The following SHISAL1 variants were observed in gnomAD, a reference collection of about 807,000 sequenced individuals.
The protein encoded by SHISAL1 is shisa like 1.
In SHISAL1, 9 loss-of-function variants were observed where a neutral mutation model predicts 22.6. That is an observed-to-expected ratio of 0.40 (90% CI 0.24 to 0.70). The LOEUF is 0.70. SHISAL1 is among the 30% of genes least tolerant of loss of function. SHISAL1 has a pLI of 0.39. For synonymous variants in SHISAL1, 119 were observed against 115.4 expected (o/e 1.03, Z -0.20); for missense variants, 246 against 270.6 (o/e 0.91, Z 0.64).
intron 4 of SHISAL1, among the ~76,000 whole-genome samples, chr22:44,251,892 C>A (rs1455291616): frequency 2.6e-5 from 4 of 152,072 alleles, no homozygotes. Context: ...ACTTATTGCC[C>A]CTGAACCGTA....
the SHISAL1 span, among the ~76,000 whole-genome samples, chr22:44,323,066 TCACCCAC>T: frequency 4.7e-5 from 3 of 64,032 alleles, no homozygotes; most frequent in African/African-American, 6.5e-5. Context: ...TCCACCCACC[TCACCCAC>T]CCATCCACCC....
intron 4 of SHISAL1, among the ~76,000 whole-genome samples, chr22:44,273,043 C>G (rs1462256628): frequency 1.3e-5 from 2 of 151,870 alleles, no homozygotes; most frequent in Non-Finnish European, 2.9e-5. Context: ...TTGCTGTGAG[C>G]TGAGATCGCA....
intron 1 of SHISAL1, among the ~76,000 whole-genome samples, chr22:44,303,933 T>C (rs997306083): frequency 4.7e-5 from 7 of 150,388 alleles, no homozygotes; most frequent in African/African-American, 1.7e-4. Context: ...CCACGCCAGG[T>C]GAGGCCCTCC....
In SHISAL1 at chr22:44,310,644, G is replaced by A. The variant is rs2055511917; in HGVS notation, c.-33+2107C>T. On this transcript the variant is annotated intron_variant, in intron 1 of 4. Transcript: ENST00000381176. The surrounding 1 kb of genome is among the most constrained non-coding windows in gnomAD (Gnocchi z 4.0). ...GATCCATAAACCGTTCTTATCCGAT[G>A]TTGCCTACTCTACTGTTCCCAAAGC... 6.6e-6 allele frequency among the ~76,000 whole-genome samples: 1 copy of A among 152,206 alleles called. No homozygotes were observed. The highest frequency in any genetic ancestry group is 2.4e-5 in the African/African-American group (1 of 41,460).
intron 4 of SHISAL1, among the ~76,000 whole-genome samples, chr22:44,252,173 G>T (rs376650471): frequency 6.6e-6 from 1 of 152,132 alleles, no homozygotes. Flanking sequence ...AAGCAGGGAG[G>T]TGATATAAGT....
chr22:44,328,421 C>T, the SHISAL1 span, among the ~76,000 whole-genome samples: 3 of 152,140 alleles, frequency 2.0e-5, no homozygotes, highest in East Asian at 3.9e-4. Context: ...GTACCTGGCT[C>T]GGGGCAGGCC....
intron 2 of SHISAL1, among the ~76,000 whole-genome samples, chr22:44,299,407 T>C (rs1041608540): frequency 6.6e-6 from 1 of 152,218 alleles, no homozygotes; most frequent in African/African-American, 2.4e-5. Context: ...CTTCTGAGTG[T>C]CTCACCTTCC....
chr22:44,298,764 G>T (rs1393235229), intron 2 of SHISAL1, among the ~76,000 whole-genome samples: 2 of 152,196 alleles, frequency 1.3e-5, no homozygotes, highest in East Asian at 1.9e-4. Flanking sequence ...ATGCAGAGAT[G>T]GGGGGCCGGG....
intron 3 of SHISAL1, among the ~76,000 whole-genome samples, chr22:44,287,431 C>A (rs1457893525): frequency 6.6e-6 from 1 of 152,200 alleles, no homozygotes; most frequent in Admixed American, 6.5e-5. Context: ...GAGCTCCTGG[C>A]TGGGAGGTCT....
At chr22:44,257,796 G>A (rs2055094693) in intron 4 of SHISAL1, among the ~76,000 whole-genome samples, 3 of 152,314 alleles carry the variant, frequency 2.0e-5, no homozygotes, top group South Asian at 4.1e-4. Context: ...GTCTTCAGGG[G>A]CAACCCATCA....
chr22:44,298,047 C>T lies in SHISAL1; in HGVS notation c.68-1162G>A, dbSNP rs143310527. ...GCTGGGGTGCTGAGGCTGCCTCCGG[C>T]GGGGGGCATGAAATTCCACACCCCT... On this transcript the variant is annotated intron_variant, in intron 2 of 4. Coordinates refer to ENST00000381176, the MANE Select transcript of SHISAL1 (RefSeq NM_001099294.2). Among the ~76,000 whole-genome samples, 140 of 152,238 alleles carry T rather than the reference C, an allele frequency of 9.2e-4. 2 individuals carry two copies. The East Asian group carries it at 0.025, about 27-fold the overall frequency.
intron 1 of SHISAL1, among the ~76,000 whole-genome samples, chr22:44,305,998 T>C (rs995628118): frequency 2.0e-5 from 3 of 152,216 alleles, no homozygotes; most frequent in Admixed American, 2.0e-4. Flanking sequence ...TCACGAGAAG[T>C]TACCTAAGTA....
rs202086760 is a variant in SHISAL1, at chr22:44,252,641, AAAAG to A, written c.*-2960_*-2957del. On this transcript the variant is annotated intron_variant, in intron 4 of 4. Transcript: ENST00000381176. Reference sequence around the variant, plus strand: ...TACACACTTGCTTAAAAAAAAAAAAAAAAGACTGATCACAAACAAAGGCACTGAA... The same window carrying A: ...TACACACTTGCTTAAAAAAAAAAAAAACTGATCACAAACAAAGGCACTGAA... Among the ~76,000 whole-genome samples, 763 of 146,788 alleles carry A rather than the reference AAAAG, an allele frequency of 5.2e-3. 8 individuals carry two copies. The highest frequency in any genetic ancestry group is 0.019 in the African/African-American group (731 of 38,884).
chr22:44,244,394 G>A lies in SHISAL1; in HGVS notation c.*5291C>T, dbSNP rs1262514851. On this transcript the variant is annotated 3_prime_UTR_variant, in exon 5 of 5. Transcript: ENST00000381176. Reference sequence around the variant, plus strand: ...AGCCCATTACCATTTATGGGACAGTGTCGTGAATGGTGCCTCCTGGAGGTG... The same window carrying A: ...AGCCCATTACCATTTATGGGACAGTATCGTGAATGGTGCCTCCTGGAGGTG... The A allele has an allele frequency of 6.6e-6, 1 of 152,190 alleles. No homozygotes were observed. The highest frequency in any genetic ancestry group is 2.4e-5 in the African/African-American group (1 of 41,428). The allele number at this position is 152,190 out of a possible 1,614,324, so 9.4% of individuals were successfully genotyped here.
intron 4 of SHISAL1, among the ~76,000 whole-genome samples, chr22:44,254,537 A>T (rs967853039): frequency 1.4e-4 from 22 of 152,164 alleles, no homozygotes; most frequent in African/African-American, 5.1e-4. Flanking sequence ...ATTAAAAAAA[A>T]TTTTTGCAGG....
intron 4 of SHISAL1, among the ~76,000 whole-genome samples, chr22:44,280,653 C>A (rs1224264628): frequency 1.3e-5 from 2 of 152,036 alleles, no homozygotes; most frequent in Non-Finnish European, 2.9e-5. Flanking sequence ...CCGAGGCCCT[C>A]TCTCAGAGAT....
At chr22:44,271,892 C>G (rs1036475247) in intron 4 of SHISAL1, among the ~76,000 whole-genome samples, 1 of 152,192 alleles carries the variant, frequency 6.6e-6, no homozygotes, top group Non-Finnish European at 1.5e-5. Context: ...GAGGCGTATT[C>G]ACGAGCCCCC....
the SHISAL1 span, among the ~76,000 whole-genome samples, chr22:44,329,431 C>A: frequency 6.7e-5 from 10 of 150,138 alleles, no homozygotes; most frequent in African/African-American, 2.5e-4. Flanking sequence ...CTCAGGAGAG[C>A]GAGAATGGGA....
intron 4 of SHISAL1, among the ~76,000 whole-genome samples, chr22:44,272,498 G>A (rs962524118): frequency 3.9e-5 from 6 of 152,206 alleles, no homozygotes; most frequent in African/African-American, 1.4e-4. Context: ...CTGAATAAAT[G>A]AGTAAATTAA....
Sources: allele counts gnomAD v4.1 joint callset (sites outside exome capture counted in the v4.1 genomes callset), GRCh38; gene constraint gnomAD v4.1.1; non-coding constraint Gnocchi (gnomAD v3.1); transcripts MANE v1.5; gene names NCBI Gene and HGNC (gene_info 2026-07-23, HGNC 2026-07-21).